PTBP1: variants seen among roughly 807,000 people sequenced by gnomAD.
PTBP1 encodes polypyrimidine tract binding protein 1.
In PTBP1, 8 loss-of-function variants were observed where a neutral mutation model predicts 59.8. The observed-to-expected ratio is 0.13, with a 90% confidence interval of 0.08 to 0.24. The LOEUF (loss-of-function observed/expected upper bound fraction) is 0.24. Among genes scored for constraint, PTBP1 ranks in the 10% least tolerant of loss-of-function variants. The probability of loss-of-function intolerance (pLI) is 1.00; values close to 1 mark genes in which losing one functional copy is unlikely to be tolerated. For synonymous variants in PTBP1, 490 were observed against 320.7 expected (o/e 1.53, Z -5.64); for missense variants, 686 against 767.0 (o/e 0.89, Z 1.25).
intron 9 of PTBP1, chr19:806,188 C>T (rs1360592635): frequency 4.1e-6 from 2 of 484,886 alleles, no homozygotes; most frequent in Non-Finnish European, 7.2e-6. Flanking sequence ...CCAGGCCCGG[C>T]CCGGCCCGTG....
intron 2 of PTBP1, among the ~76,000 whole-genome samples, chr19:801,453 G>A (rs1410942115): frequency 1.3e-5 from 2 of 152,236 alleles, no homozygotes; most frequent in Admixed American, 6.5e-5. Flanking sequence ...TGAGATTAGG[G>A]CTTCAGGCAG....
chr19:806,600 C>A (rs771393092), intron 10 of PTBP1, 44 bp downstream of exon 10: 3 of 1,456,294 alleles, frequency 2.1e-6, no homozygotes, highest in African/African-American at 3.0e-5. Flanking sequence ...CCCGGAAGAG[C>A]GAGCAGGGGA....
In PTBP1 at chr19:804,019, T is replaced by C; in HGVS notation, c.116-17T>C. 2.5e-6 allele frequency: 4 copies of C among 1,613,716 alleles called. No individual in the cohort carries two copies. The highest frequency in any genetic ancestry group is 2.5e-6 in the Non-Finnish European group (3 of 1,179,930). ...CCTGCGAGTTGGTGCCTGCATCTCATGGCACCCCCTTTTCAGCAAACGGAA... is the reference window on the plus strand; with the variant it reads ...CCTGCGAGTTGGTGCCTGCATCTCACGGCACCCCCTTTTCAGCAAACGGAA... On this transcript the variant is annotated splice_polypyrimidine_tract_variant and intron_variant, in intron 3 of 14. Transcript: ENST00000356948.
intron 3 of PTBP1, 150 bp downstream of exon 3, chr19:803,786 G>A: frequency 1.2e-6 from 1 of 841,170 alleles, no homozygotes; most frequent in Non-Finnish European, 1.9e-6. Flanking sequence ...TCGCTGCAGA[G>A]AATTTCCAGG....
intron 10 of PTBP1, 155 bp downstream of exon 10, chr19:806,711 C>A: frequency 1.6e-6 from 1 of 621,706 alleles, no homozygotes; most frequent in South Asian, 3.2e-5. Flanking sequence ...CCCTCCTTTT[C>A]CAAGATGGCT....
intron 2 of PTBP1, 129 bp downstream of exon 2, chr19:799,572 C>G: frequency 1.1e-6 from 1 of 922,442 alleles, no homozygotes; most frequent in Non-Finnish European, 1.8e-6. Flanking sequence ...TACCCTTGGT[C>G]TGGAATCTGG....
In PTBP1 at chr19:812,044, T is replaced by A. The variant is rs1674601494; in HGVS notation, c.*1218T>A. The A allele has an allele frequency of 1.3e-5, 2 of 152,412 alleles. No homozygotes were observed. The highest frequency in any genetic ancestry group is 4.8e-5 in the African/African-American group (2 of 41,452). 9.4% of individuals were successfully genotyped at this position (152,412 alleles called of 1,614,324 possible). A position where few individuals can be genotyped will look rare whatever the true frequency, so the allele number is the denominator to read the frequency against. ...TATTTATAATTTTTTATACCTGTTG[T>A]GAGACCCGAGGGGCGGCGGCGCGGT... On this transcript the variant is annotated 3_prime_UTR_variant, in exon 15 of 15. Coordinates refer to ENST00000356948, the MANE Select transcript of PTBP1 (RefSeq NM_002819.5).
chr19:806,639 AGC>A (rs2034592736), intron 10 of PTBP1, 83 bp downstream of exon 10: 8 of 1,339,286 alleles, frequency 6.0e-6, no homozygotes, highest in Non-Finnish European at 7.9e-6. Flanking sequence ...GTCCCGGAGC[AGC>A]GCCGCCCCTC....
At chr19:806,171 G>C (rs907999154) in intron 9 of PTBP1, 2 of 447,314 alleles carry the variant, frequency 4.5e-6, no homozygotes, top group African/African-American at 2.1e-5. Context: ...GGCGCATGCA[G>C]ATGAGCCCAG....
intron 1 of PTBP1, among the ~76,000 whole-genome samples, chr19:797,834 G>T (rs1447836769): frequency 6.8e-6 from 1 of 147,764 alleles, no homozygotes; most frequent in African/African-American, 2.5e-5. Flanking sequence ...GGCCCTTCCC[G>T]CTTCCCGTCC....
chr19:806,157 G>C, intron 9 of PTBP1: 1 of 425,926 alleles, frequency 2.3e-6, no homozygotes, highest in South Asian at 4.5e-5. Context: ...TGTGCTGTGG[G>C]CGGGGCGCAT....
rs757829238 is a variant in PTBP1 at position 799,425 on chromosome 19, T to TA, written c.22dup (p.Ile8AsnfsTer10). 6.2e-7 allele frequency: 1 copy of TA among 1,613,982 alleles called. No homozygotes were observed. The highest frequency in any genetic ancestry group is 8.5e-7 in the Non-Finnish European group (1 of 1,179,974). ...TTTCTCTCTACAGCATTGTCCCAGA[T>TA]ATAGCCGTTGGTACAAAGGTAGGCA... On this transcript the variant is annotated frameshift_variant, in exon 2 of 15. Coordinates refer to ENST00000356948, the MANE Select transcript of PTBP1 (RefSeq NM_002819.5). LOFTEE classifies it high-confidence loss of function.
At chr19:799,993 C>T (rs1163810241) in intron 2 of PTBP1, among the ~76,000 whole-genome samples, 2 of 151,950 alleles carry the variant, frequency 1.3e-5, no homozygotes, top group African/African-American at 4.8e-5. Context: ...GTGGTGTGAT[C>T]TTGGCTCACT....
chr19:798,777 A>T (rs1021211221), intron 1 of PTBP1, among the ~76,000 whole-genome samples: 1 of 152,250 alleles, frequency 6.6e-6, no homozygotes, highest in Non-Finnish European at 1.5e-5. Flanking sequence ...GGCCTCGGAC[A>T]GTCCGGCTTT....
At chr19:805,999 C>T (rs2145053132) in intron 9 of PTBP1, 2 of 258,512 alleles carry the variant, frequency 7.7e-6, no homozygotes, top group South Asian at 1.1e-4. Context: ...GGCCCGGCCG[C>T]CCCAGTGCTG....
chr19:801,342 C>T (rs151264328), intron 2 of PTBP1, among the ~76,000 whole-genome samples: 509 of 152,328 alleles, frequency 3.3e-3, no homozygotes, highest in Non-Finnish European at 5.8e-3. Flanking sequence ...TCTGCTGGGG[C>T]GCCGTTGAGC....
chr19:799,353 G>T, intron 1 of PTBP1, 60 bp from the exon 2 acceptor site: 1 of 1,533,760 alleles, frequency 6.5e-7, no homozygotes, highest in Non-Finnish European at 9.0e-7. Context: ...GGGACAGCTG[G>T]GTGCTCCTGC....
In PTBP1 at chr19:808,510, C is replaced by T. The variant is rs1412014078; in HGVS notation, c.1247-36C>T. ...GGCAGGGGCGGGGGCTGCGTTCCCT[C>T]TCGGGCGCCTGGTCACGCGGGTGCT... is the stretch of plus-strand genomic sequence containing the variant. On this transcript the variant is annotated intron_variant, in intron 12 of 14. Coordinates refer to ENST00000356948, the MANE Select transcript of PTBP1 (RefSeq NM_002819.5). The surrounding 1 kb of genome is among the most constrained non-coding windows in gnomAD (Gnocchi z 4.7). 4.5e-6 allele frequency: 7 copies of T among 1,559,424 alleles called. No homozygotes were observed. Among genetic ancestry groups the T allele is most frequent in the African/African-American group, 2.7e-5 (2 of 73,376 alleles).
At position 806,543 on chromosome 19, in the gene PTBP1, A is replaced by G. The variant is rs975864726; in HGVS notation, c.1106A>G (p.Asn369Ser). ...GGAAATTCTGTATTGCTGGTCAGCAACCTCAACCCAGAGGTACGTGGGCTT... is the reference window on the plus strand; with the variant it reads ...GGAAATTCTGTATTGCTGGTCAGCAGCCTCAACCCAGAGGTACGTGGGCTT... The part of the protein sequence containing the change: ...GAGNSVLLVS[N>S]LNPERVTPQS... The change falls in exon 10 of 15, where the codon AAC becomes AGC. Residue 369 changes from asparagine to serine, a missense_variant. Transcript: ENST00000356948. The G allele has an allele frequency of 2.2e-5, 33 of 1,529,654 alleles. No homozygotes were observed. The highest frequency in any genetic ancestry group is 2.8e-5 in the Non-Finnish European group (32 of 1,139,382). The allele number at this position is 1,529,654 out of a possible 1,614,324, so 94.8% of individuals were successfully genotyped here.
Sources: allele counts gnomAD v4.1 joint callset (sites outside exome capture counted in the v4.1 genomes callset), GRCh38; gene constraint gnomAD v4.1.1; non-coding constraint Gnocchi (gnomAD v3.1); transcripts MANE v1.5; gene names NCBI Gene and HGNC (gene_info 2026-07-23, HGNC 2026-07-21).